Variants in MAP2K3 observed in about 807,000 individuals in gnomAD.
The protein encoded by MAP2K3 is mitogen-activated protein kinase kinase 3.
A neutral mutation model predicts 46.4 loss-of-function variants in MAP2K3; 30 were observed. That is an observed-to-expected ratio of 0.65 (90% CI 0.48 to 0.88). The LOEUF (loss-of-function observed/expected upper bound fraction) is 0.88. MAP2K3 is among the 40% of genes least tolerant of loss of function. MAP2K3 has a pLI of 0.00. For missense variants in MAP2K3, 380 were observed against 464.5 expected (o/e 0.82, Z 1.67); for synonymous variants, 189 against 176.3 (o/e 1.07, Z -0.57).
At chr17:21,304,385 G>A (rs201691897) in intron 7 of MAP2K3, 41 bp from the exon 8 acceptor site, 20,842 of 1,592,248 alleles carry the variant, frequency 0.013, no homozygotes, top group Non-Finnish European at 0.015. Flanking sequence ...GCCTCCAGTC[G>A]TGCTCCACAG....
At chr17:21,304,647 GGGGC>G (rs1976793736) in intron 8 of MAP2K3, 94 bp downstream of exon 8, 1 of 1,565,956 alleles carries the variant, frequency 6.4e-7, no homozygotes, top group Admixed American at 1.8e-5. Flanking sequence ...TCTGTCCGTA[GGGGC>G]AGAGCCTCCC....
intron 1 of MAP2K3, among the ~76,000 whole-genome samples, chr17:21,287,369 G>T (rs1024134002): frequency 1.3e-5 from 2 of 152,256 alleles, no homozygotes; most frequent in African/African-American, 4.8e-5. Context: ...GCCCCCATAG[G>T]TGGAGAGCCT....
chr17:21,291,494 C>T (rs138975454), intron 1 of MAP2K3: 164 of 456,372 alleles, frequency 3.6e-4, no homozygotes, highest in Middle Eastern at 1.3e-3. Context: ...TTGCTGACCT[C>T]GAGCCGGGCC....
At chr17:21,306,178 C>T (rs1976883287) in intron 9 of MAP2K3, among the ~76,000 whole-genome samples, 2 of 152,356 alleles carry the variant, frequency 1.3e-5, no homozygotes, top group East Asian at 3.9e-4. Flanking sequence ...CCAGACTGCC[C>T]CCAACATCAC....
chr17:21,287,405 C>A (rs1975752304), intron 1 of MAP2K3, among the ~76,000 whole-genome samples: 1 of 152,276 alleles, frequency 6.6e-6, no homozygotes, highest in African/African-American at 2.4e-5. Flanking sequence ...CCATCCTGGG[C>A]ACTGGGCCTC....
chr17:21,313,853 T>G, intron 11 of MAP2K3: 1 of 571,582 alleles, frequency 1.7e-6, no homozygotes, highest in Middle Eastern at 4.7e-4. Context: ...TGAATAAGGG[T>G]TATCTCCTGA....
intron 9 of MAP2K3, among the ~76,000 whole-genome samples, chr17:21,306,684 T>C (rs1402882323): frequency 2.0e-5 from 3 of 152,210 alleles, no homozygotes; most frequent in African/African-American, 7.2e-5. Flanking sequence ...GGTTTTGCCA[T>C]GTTGGCGAGG....
intron 1 of MAP2K3, among the ~76,000 whole-genome samples, chr17:21,292,178 G>A (rs918157545): frequency 3.3e-5 from 5 of 152,304 alleles, no homozygotes; most frequent in African/African-American, 4.8e-5. Flanking sequence ...GGGCTGTACT[G>A]TGCTCAGTGA....
chr17:21,293,487 C>A (rs971396951), intron 1 of MAP2K3, among the ~76,000 whole-genome samples: 6 of 152,426 alleles, frequency 3.9e-5, no homozygotes, highest in Middle Eastern at 3.4e-3. Context: ...GAGCATCTGG[C>A]CTCCCCACCG....
chr17:21,287,853 C>T (rs140239771), intron 1 of MAP2K3: 5 of 379,452 alleles, frequency 1.3e-5, no homozygotes, highest in South Asian at 3.8e-5. Context: ...CCTGACTGCC[C>T]GATGGTGACA....
At chr17:21,312,990 A>C (rs1458942120) in intron 10 of MAP2K3, among the ~76,000 whole-genome samples, 1 of 152,068 alleles carries the variant, frequency 6.6e-6, no homozygotes, top group Non-Finnish European at 1.5e-5. Context: ...GAACTTAATT[A>C]AATAGAGCAA....
intron 9 of MAP2K3, among the ~76,000 whole-genome samples, chr17:21,308,498 G>T (rs1977010024): frequency 6.6e-6 from 1 of 152,306 alleles, no homozygotes; most frequent in African/African-American, 2.4e-5. Context: ...TAGTGTATCT[G>T]TAGACAGTGA....
intron 1 of MAP2K3, among the ~76,000 whole-genome samples, chr17:21,294,583 C>CATATGG (rs1165793494): frequency 6.6e-6 from 1 of 152,312 alleles, no homozygotes; most frequent in African/African-American, 2.4e-5. Flanking sequence ...ATGGCCACTC[C>CATATGG]TCACCAGACG....
chr17:21,296,054 A>T, intron 1 of MAP2K3: 1 of 1,289,084 alleles, frequency 7.8e-7, no homozygotes, highest in Middle Eastern at 2.1e-4. Context: ...AATTCTCATT[A>T]CTTAGGGCAG....
Position 21,314,209 on chromosome 17 carries a change from G to A in MAP2K3, c.1023G>A (p.Glu341=). The A allele has an allele frequency of 6.2e-7, 1 of 1,614,050 alleles. No homozygotes were observed. The highest frequency in any genetic ancestry group is 8.5e-7 in the Non-Finnish European group (1 of 1,179,974). The change falls in exon 12 of 12, where the codon GAG becomes GAA. Residue 341 remains glutamate (E), a synonymous_variant. Transcript: ENST00000342679. ...KKTDIAAFVK[E]ILGEDS ...CGGACATTGCTGCCTTCGTGAAGGA[G>A]ATCCTGGGAGAAGACTCATAGGGGC...
intron 8 of MAP2K3, 130 bp downstream of exon 8, chr17:21,304,683 G>T (rs889560610): frequency 2.9e-5 from 41 of 1,432,506 alleles, no homozygotes; most frequent in Non-Finnish European, 3.7e-5. Flanking sequence ...TCCTGCTGTA[G>T]TGGGGCCACC....
At chr17:21,305,986 G>A (rs1241068581) in intron 9 of MAP2K3, among the ~76,000 whole-genome samples, 2 of 152,308 alleles carry the variant, frequency 1.3e-5, no homozygotes, top group East Asian at 3.8e-4. Flanking sequence ...ACTGTTTGGT[G>A]TTGGGGATGA....
At position 21,298,906 on chromosome 17, in the gene MAP2K3, T is replaced by C; in HGVS notation, c.145T>C (p.Phe49Leu). The C allele has an allele frequency of 6.2e-7, 1 of 1,614,308 alleles. No homozygotes were observed. Among genetic ancestry groups the C allele is most frequent in the Non-Finnish European group, 8.5e-7 (1 of 1,180,060 alleles). The stretch of plus-strand genomic sequence containing the variant: ...CCCCCGGAACCTGGACTCCCGGACC[T>C]TCATCACCATTGGAGACAGAGTAGG... ...TPPRNLDSRT[F>L]ITIGDRNFEV... The change falls in exon 3 of 12, where the codon TTC becomes CTC. Residue 49 changes from phenylalanine (F) to leucine (L), a missense_variant. Phe to Leu is a conservative substitution (Grantham distance 22). This residue lies in a region of MAP2K3 where 294 missense variants were observed against 275.4 expected (regional missense o/e 1.07). Transcript: ENST00000342679.
rs1012677759 is a variant in MAP2K3, at chr17:21,313,691, C to T, written c.960+154C>T. The stretch of plus-strand genomic sequence containing the variant: ...TAGGTGCTCGGTCATTTGTTTGCTC[C>T]TGCATACCTGGCTCCCTCCTCCCTC... On this transcript the variant is annotated intron_variant, in intron 11 of 11. Coordinates refer to ENST00000342679, the MANE Select transcript of MAP2K3 (RefSeq NM_145109.3). The T allele has an allele frequency of 7.4e-6, 5 of 671,366 alleles. No individual in the cohort carries two copies. In the East Asian group the frequency reaches 1.1e-4, roughly 15 times the overall value. 41.6% of individuals were successfully genotyped at this position (671,366 alleles called of 1,614,324 possible).
Sources: gnomAD v4.1 joint callset for allele counts (sites outside exome capture counted in the v4.1 genomes callset) on GRCh38, gnomAD v4.1.1 for gene constraint, gnomAD v4.1.1 regional missense constraint, MANE v1.5 for transcripts, NCBI Gene and HGNC (gene_info 2026-07-23, HGNC 2026-07-21) for gene names.